The following TRPM8 variants were observed in gnomAD, a reference collection of about 807,000 sequenced individuals.
The protein encoded by TRPM8 is TRPM8 cationic channel.
In TRPM8, 110 loss-of-function variants were observed where a neutral mutation model predicts 133.7. The ratio of observed to expected loss-of-function variants is 0.82; its 90% CI spans 0.70 to 0.96. TRPM8 has a LOEUF of 0.96. Among genes scored for constraint, TRPM8 ranks in the 40% least tolerant of loss-of-function variants. The pLI, the probability that TRPM8 is intolerant of heterozygous loss-of-function variation, is 0.00. For missense variants in TRPM8, 1,291 were observed against 1,379.5 expected, an observed-to-expected ratio of 0.94 and a Z score of 1.02; for synonymous variants, 535 against 532.3, an observed-to-expected ratio of 1.01 and a Z score of -0.07.
At chr2:234,011,165 G>A (rs185570087) in intron 24 of TRPM8, among the ~76,000 whole-genome samples, 1 of 152,272 alleles carries the variant, frequency 6.6e-6, no homozygotes, top group Non-Finnish European at 1.5e-5. Flanking sequence ...GTCTGAGATA[G>A]GGGTCCAATG....
Position 233,926,728 on chromosome 2 carries a change from CA to C in TRPM8, c.117+75del, listed in dbSNP as rs878910592. On this transcript the variant is annotated intron_variant, in intron 2 of 25. Transcript: ENST00000324695. ...TAAGCCGTCAAATCCTGCATTTGCA[CA>C]TTGACTTTTAGAACATTTTAAATGC... is the stretch of plus-strand genomic sequence containing the variant. 6.1e-6 allele frequency: 7 copies of C among 1,153,672 alleles called. No homozygotes were observed. The South Asian group carries it at 8.9e-5, about 15-fold the overall frequency. The allele number at this position is 1,153,672 out of a possible 1,614,324, so 71.5% of individuals were successfully genotyped here. A position where few individuals can be genotyped will look rare whatever the true frequency, so the allele number is the denominator to read the frequency against.
At chr2:233,949,814 A>T in intron 8 of TRPM8, 135 bp from the exon 9 acceptor site, 1 of 676,762 alleles carries the variant, frequency 1.5e-6, no homozygotes, top group Non-Finnish European at 2.4e-6. Flanking sequence ...CTTCTGATTT[A>T]AAATAAAAGC....
intron 8 of TRPM8, among the ~76,000 whole-genome samples, chr2:233,948,888 G>C (rs999532820): frequency 6.6e-6 from 1 of 152,160 alleles, no homozygotes; most frequent in Non-Finnish European, 1.5e-5. Context: ...ACAAAAATTA[G>C]CTGGGCGCAG....
chr2:234,012,570 T>A (rs1410584003), intron 24 of TRPM8, among the ~76,000 whole-genome samples: 1 of 152,148 alleles, frequency 6.6e-6, no homozygotes, highest in Non-Finnish European at 1.5e-5. Flanking sequence ...TTTACTTTCT[T>A]CTTTGTTATT....
At chr2:233,969,915 A>G in intron 16 of TRPM8, 108 bp downstream of exon 16, 2 of 825,958 alleles carry the variant, frequency 2.4e-6, no homozygotes, top group Non-Finnish European at 4.0e-6. Context: ...GGAACTTATG[A>G]TGTTTACATT....
chr2:234,006,522 G>A (rs1692696976), intron 22 of TRPM8, among the ~76,000 whole-genome samples: 1 of 152,226 alleles, frequency 6.6e-6, no homozygotes, highest in African/African-American at 2.4e-5. Flanking sequence ...AATGGAAGAA[G>A]AGCACATATC....
intron 14 of TRPM8, chr2:233,965,854 T>A (rs928070197): frequency 6.6e-6 from 1 of 151,762 alleles, no homozygotes; most frequent in Admixed American, 6.6e-5. Context: ...TGTTTCTTTT[T>A]TTTTTTTTTT....
chr2:234,013,554 C>A (rs1196183298), intron 24 of TRPM8: 1 of 151,980 alleles, frequency 6.6e-6, no homozygotes, highest in East Asian at 1.9e-4. Context: ...TTTTGTTTAT[C>A]TTTTCAAAAA....
chr2:233,966,573 C>T (rs773112107), intron 14 of TRPM8, 37 bp from the exon 15 acceptor site: 1 of 1,613,008 alleles, frequency 6.2e-7, no homozygotes, highest in Non-Finnish European at 8.5e-7. Context: ...ATGTGCAGCT[C>T]TTACACCAGC....
At chr2:234,014,060 A>G (rs1692901308) in intron 24 of TRPM8, among the ~76,000 whole-genome samples, 1 of 152,186 alleles carries the variant, frequency 6.6e-6, no homozygotes, top group Non-Finnish European at 1.5e-5. Flanking sequence ...GCATGGATCA[A>G]GATTAATTTC....
intron 23 of TRPM8, 117 bp downstream of exon 23, chr2:234,007,069 C>A (rs539077413): frequency 6.0e-6 from 4 of 671,874 alleles, no homozygotes; most frequent in Middle Eastern, 2.5e-4. Context: ...GAGAATAATA[C>A]CACCACAAAG....
intron 7 of TRPM8, chr2:233,946,240 C>T: frequency 2.1e-6 from 1 of 467,886 alleles, no homozygotes; most frequent in Non-Finnish European, 3.8e-6. Context: ...CTTTAACATG[C>T]TAAAGGCAAT....
At chr2:233,925,018 C>T (rs193170506) in intron 1 of TRPM8, among the ~76,000 whole-genome samples, 460 of 152,284 alleles carry the variant, frequency 3.0e-3, no homozygotes, top group Non-Finnish European at 4.7e-3. Flanking sequence ...GTGTGGGAGG[C>T]CTGTGGCTGG....
intron 8 of TRPM8, chr2:233,947,478 C>A: frequency 7.4e-7 from 1 of 1,343,166 alleles, no homozygotes; most frequent in Non-Finnish European, 9.8e-7. Flanking sequence ...CTATGGCCAA[C>A]CTATCTGCAT....
chr2:233,994,359 C>A (rs1574773147), intron 21 of TRPM8, among the ~76,000 whole-genome samples: 1 of 152,176 alleles, frequency 6.6e-6, no homozygotes. Flanking sequence ...TGACTGGCTG[C>A]ACTATAATAC....
At chr2:233,992,173 C>T (rs1275883639) in intron 21 of TRPM8, among the ~76,000 whole-genome samples, 1 of 151,936 alleles carries the variant, frequency 6.6e-6, no homozygotes, top group Non-Finnish European at 1.5e-5. Context: ...TAAAGTTTTC[C>T]TTATTTATTC....
intron 22 of TRPM8, among the ~76,000 whole-genome samples, chr2:234,003,626 G>A (rs1302568723): frequency 1.3e-5 from 2 of 152,170 alleles, no homozygotes; most frequent in Admixed American, 6.5e-5. Flanking sequence ...TGTGCCTTCA[G>A]GTAACAGAAA....
At chr2:233,961,113 G>A in intron 12 of TRPM8, 47 bp downstream of exon 12, 1 of 1,576,790 alleles carries the variant, frequency 6.3e-7, no homozygotes, top group South Asian at 1.1e-5. Context: ...ATATTTTGAG[G>A]CTTCCCTCAT....
chr2:233,971,958 T>C (rs11682757), intron 17 of TRPM8, among the ~76,000 whole-genome samples: 3,935 of 152,216 alleles, frequency 0.026, 70 homozygotes, highest in Non-Finnish European at 0.041. Context: ...AGGGCGCTGA[T>C]TGGTGCGTTT....
Sources: allele counts gnomAD v4.1 joint callset (sites outside exome capture counted in the v4.1 genomes callset), GRCh38; gene constraint gnomAD v4.1.1; transcripts MANE v1.5; gene names NCBI Gene and HGNC (gene_info 2026-07-23, HGNC 2026-07-21).